Variants in XRCC5 observed in about 807,000 individuals in gnomAD.
XRCC5 encodes the protein DNA repair protein Ku80.
Under a neutral mutation model 95.7 loss-of-function variants are expected in XRCC5, and 12 were observed. The ratio of observed to expected loss-of-function variants is 0.13; its 90% confidence interval spans 0.08 to 0.20. The LOEUF (loss-of-function observed/expected upper bound fraction) is 0.20, where lower values mean the gene tolerates loss of function less well. Ranked by LOEUF, XRCC5 falls within the 10% of genes least tolerant of loss-of-function variation. The pLI is 1.00. For synonymous variants in XRCC5, 281 were observed against 290.3 expected (o/e 0.97, Z 0.33); for missense variants, 595 against 873.9 (o/e 0.68, Z 4.02).
chr2:216,148,464 C>T (rs550744378), intron 14 of XRCC5, among the ~76,000 whole-genome samples, 188 bp downstream of exon 14: 1 of 152,094 alleles, frequency 6.6e-6, no homozygotes, highest in Non-Finnish European at 1.5e-5. Flanking sequence ...CATATTTTAT[C>T]CTTGCTGTTC....
At chr2:216,114,288 C>G (rs1190889811) in intron 2 of XRCC5, among the ~76,000 whole-genome samples, 1 of 152,078 alleles carries the variant, frequency 6.6e-6, no homozygotes, top group Non-Finnish European at 1.5e-5. Flanking sequence ...TCCTCCTGGA[C>G]ACTTCTGTTT....
At chr2:216,124,444 A>C (rs1559239317) in intron 6 of XRCC5, among the ~76,000 whole-genome samples, 1 of 152,200 alleles carries the variant, frequency 6.6e-6, no homozygotes. Context: ...GCCCGTCTTT[A>C]GAATTTTCCC....
chr2:216,134,762 G>C (rs910274245), intron 10 of XRCC5, among the ~76,000 whole-genome samples: 1 of 150,136 alleles, frequency 6.7e-6, no homozygotes, highest in African/African-American at 2.5e-5. Flanking sequence ...CATCCTAATT[G>C]GTCCTGTCAA....
intron 2 of XRCC5, among the ~76,000 whole-genome samples, chr2:216,113,938 G>A (rs1186866558): frequency 3.3e-5 from 5 of 152,094 alleles, no homozygotes; most frequent in Non-Finnish European, 7.4e-5. Flanking sequence ...AAGACACTAA[G>A]GTTAGGTCAC....
In XRCC5 at chr2:216,135,102, TGTTTG is replaced by T. The variant is rs1697053166; in HGVS notation, c.1114-1985_1114-1981del. ...GTCTTGGGGTCATAGTTTTTTTGTT[TGTTTG>T]TTTGTTTGTTTTGTTTTTACAACAG... On this transcript the variant is annotated intron_variant, in intron 10 of 20. Transcript: ENST00000392132. Among the ~76,000 whole-genome samples the T allele has an allele frequency of 2.6e-5, 4 of 151,648 alleles. No homozygotes were observed. The East Asian group carries it at 7.8e-4, about 29-fold the overall frequency.
intron 12 of XRCC5, 36 bp downstream of exon 12, chr2:216,138,215 C>T (rs767187725): frequency 5.1e-6 from 8 of 1,563,860 alleles, no homozygotes; most frequent in African/African-American, 1.4e-5. Flanking sequence ...TCATTGACTA[C>T]ACACACTGTT....
At chr2:216,142,880 A>G (rs188494534) in intron 13 of XRCC5, among the ~76,000 whole-genome samples, 8 of 152,342 alleles carry the variant, frequency 5.3e-5, no homozygotes, top group African/African-American at 1.9e-4. Context: ...GTGAAGCTTA[A>G]CATGTGAAGA....
intron 16 of XRCC5, among the ~76,000 whole-genome samples, chr2:216,189,143 A>T (rs1314591478): frequency 2.6e-5 from 4 of 152,248 alleles, no homozygotes; most frequent in Admixed American, 6.5e-5. Context: ...TGATTCACAG[A>T]GTTAGTGGCC....
chr2:216,162,477 C>A (rs1459075090), intron 16 of XRCC5, among the ~76,000 whole-genome samples: 1 of 151,600 alleles, frequency 6.6e-6, no homozygotes, highest in Non-Finnish European at 1.5e-5. Context: ...TTTCAGCACA[C>A]CACAACCTCT....
intron 8 of XRCC5, among the ~76,000 whole-genome samples, chr2:216,128,369 C>T (rs765281554): frequency 2.0e-5 from 3 of 152,156 alleles, no homozygotes; most frequent in African/African-American, 7.2e-5. Context: ...GAAAAGAATT[C>T]TTTTCCTCTG....
chr2:216,122,600 C>T (rs1696830032), intron 6 of XRCC5, among the ~76,000 whole-genome samples: 1 of 150,924 alleles, frequency 6.6e-6, no homozygotes, highest in Admixed American at 6.6e-5. Flanking sequence ...TTTTTTTACA[C>T]ATCTACAAAA....
chr2:216,138,732 G>T (rs990307695), intron 12 of XRCC5, among the ~76,000 whole-genome samples: 1 of 152,154 alleles, frequency 6.6e-6, no homozygotes, highest in Non-Finnish European at 1.5e-5. Context: ...TATTCTTAGA[G>T]CCACAGGTCC....
At chr2:216,123,913 T>C (rs1469345587) in intron 6 of XRCC5, among the ~76,000 whole-genome samples, 1 of 152,260 alleles carries the variant, frequency 6.6e-6, no homozygotes, top group African/African-American at 2.4e-5. Flanking sequence ...TTACTGACTA[T>C]GCATTGTTTT....
chr2:216,147,893 A>G (rs1388015521), intron 13 of XRCC5, among the ~76,000 whole-genome samples, 190 bp from the exon 14 acceptor site: 1 of 152,232 alleles, frequency 6.6e-6, no homozygotes, highest in East Asian at 1.9e-4. Flanking sequence ...TATTTTTACA[A>G]TTGGTTTTAG....
rs565024304 is a variant in XRCC5, at chr2:216,175,935, G to A, written c.1834+13887G>A. 17 of 368,800 alleles carry A rather than the reference G, an allele frequency of 4.6e-5. No homozygotes were observed. In the East Asian group the frequency reaches 1.1e-3, roughly 23 times the overall value. 22.8% of individuals were successfully genotyped at this position (368,800 alleles called of 1,614,324 possible). A position where few individuals can be genotyped will look rare whatever the true frequency, so the allele number is the denominator to read the frequency against. ...ATAAACAATTTTCTCAGCCGCGCTG[G>A]ATTCCTTTGGATCATGGCCTTCCTC... is the stretch of plus-strand genomic sequence containing the variant. On this transcript the variant is annotated intron_variant, in intron 16 of 20. Coordinates refer to ENST00000392132, the MANE Select transcript of XRCC5 (RefSeq NM_021141.4).
chr2:216,194,066 T>C (rs749271196), intron 18 of XRCC5, among the ~76,000 whole-genome samples: 2 of 152,216 alleles, frequency 1.3e-5, no homozygotes, highest in Non-Finnish European at 2.9e-5. Flanking sequence ...CATGGCGTAG[T>C]TCCATATTGG....
At chr2:216,141,412 C>A in intron 13 of XRCC5, 93 bp downstream of exon 13, 1 of 1,369,422 alleles carries the variant, frequency 7.3e-7, no homozygotes, top group Non-Finnish European at 1.0e-6. Flanking sequence ...AAATAAATGT[C>A]TTTTTTCTCT....
At chr2:216,193,737 T>G (rs7584470) in intron 18 of XRCC5, among the ~76,000 whole-genome samples, 4,628 of 152,318 alleles carry the variant, frequency 0.03, 232 homozygotes, top group African/African-American at 0.11. Flanking sequence ...TTACAGGTCA[T>G]ATGCAAAATC....
chr2:216,201,731 T>C (rs906388152), intron 19 of XRCC5, among the ~76,000 whole-genome samples: 3 of 152,172 alleles, frequency 2.0e-5, no homozygotes, highest in Admixed American at 6.5e-5. Context: ...CAGAAGAGAT[T>C]CGGAGAATCT....
Sources: gnomAD v4.1 joint callset for allele counts (sites outside exome capture counted in the v4.1 genomes callset) on GRCh38, gnomAD v4.1.1 for gene constraint, MANE v1.5 for transcripts, NCBI Gene and HGNC (gene_info 2026-07-23, HGNC 2026-07-21) for gene names.